The following POC1B variants were observed in gnomAD, a reference collection of about 807,000 sequenced individuals.
POC1B encodes POC1 centriolar protein homolog B.
POC1B carries 44 observed loss-of-function variants against 60.6 expected under a neutral mutation model. The ratio of observed to expected loss-of-function variants is 0.73; its 90% CI spans 0.57 to 0.93. The LOEUF (loss-of-function observed/expected upper bound fraction) is 0.93. POC1B is among the 40% of genes least tolerant of loss of function. The pLI, the probability that POC1B is intolerant of heterozygous loss-of-function variation, is 0.00. For missense variants in POC1B, 555 were observed against 572.3 expected (o/e 0.97, Z 0.31); for synonymous variants, 180 against 198.9 (o/e 0.90, Z 0.80).
chr12:89,421,270 G>T lies in POC1B; in HGVS notation c.1333-13C>A. On this transcript the variant is annotated splice_polypyrimidine_tract_variant and intron_variant, in intron 11 of 11. Transcript: ENST00000313546. ...AGATTGAAACAGTCTGCAAAAAGGA[G>T]GATAAAATAATCAATGCCTGGTCCT... 8 of 1,569,230 alleles carry T rather than the reference G, an allele frequency of 5.1e-6. No individual in the cohort carries two copies. The highest frequency in any genetic ancestry group is 7.0e-6 in the Non-Finnish European group (8 of 1,145,654).
chr12:89,523,019 T>A (rs1871027987), intron 2 of POC1B: 1 of 1,613,848 alleles, frequency 6.2e-7, no homozygotes, highest in African/African-American at 1.3e-5. Context: ...CCCACATAAT[T>A]TTTTTGCTCA....
intron 4 of POC1B, among the ~76,000 whole-genome samples, chr12:89,479,818 T>C (rs1883251306): frequency 6.6e-6 from 1 of 152,238 alleles, no homozygotes; most frequent in Non-Finnish European, 1.5e-5. Flanking sequence ...TTAAGTACAC[T>C]ATCCATGCAC....
Position 89,525,949 on chromosome 12 carries a change from G to GGGGAGAGGATGGGGA in POC1B, c.-69_-55dup. On this transcript the variant is annotated 5_prime_UTR_variant, in exon 1 of 12. Coordinates refer to ENST00000313546, the MANE Select transcript of POC1B (RefSeq NM_172240.3). ...TGGGTGGGGGAACCCGGAGAGGGGA[G>GGGGAGAGGATGGGGA]GGGAGAGGATGGGGAAGGAGAGGGG... is the stretch of plus-strand genomic sequence containing the variant. 6.5e-7 allele frequency: 1 copy of GGGGAGAGGATGGGGA among 1,541,136 alleles called. No individual in the cohort carries two copies. Among genetic ancestry groups the GGGGAGAGGATGGGGA allele is most frequent in the Non-Finnish European group, 8.8e-7 (1 of 1,141,972 alleles).
At chr12:89,477,177 A>G (rs950352551) in intron 4 of POC1B, among the ~76,000 whole-genome samples, 6 of 152,168 alleles carry the variant, frequency 3.9e-5, no homozygotes, top group African/African-American at 1.4e-4. Context: ...GTTTGCGCTG[A>G]TAGAATTTGA....
At chr12:89,523,757 C>A in intron 2 of POC1B, 1 of 1,541,072 alleles carries the variant, frequency 6.5e-7, no homozygotes, top group Non-Finnish European at 8.7e-7. Flanking sequence ...ATATAGAATT[C>A]AAAAGTATTC....
intron 10 of POC1B, among the ~76,000 whole-genome samples, chr12:89,442,544 C>T (rs1286746659): frequency 6.6e-6 from 1 of 152,162 alleles, no homozygotes; most frequent in Non-Finnish European, 1.5e-5. Flanking sequence ...CCTTTACAGA[C>T]AAGCAATGCT....
At chr12:89,464,879 T>C (rs1314190338) in intron 9 of POC1B, among the ~76,000 whole-genome samples, 1 of 151,990 alleles carries the variant, frequency 6.6e-6, no homozygotes, top group Non-Finnish European at 1.5e-5. Flanking sequence ...TGGCATTTTA[T>C]ATCACAGGGC....
chr12:89,414,936 G>C (rs1194593024), downstream of POC1B, among the ~76,000 whole-genome samples: 1 of 152,188 alleles, frequency 6.6e-6, no homozygotes, highest in Admixed American at 6.5e-5. Context: ...GCAGTAAGCA[G>C]ATAATACCTG....
At chr12:89,448,892 C>A in intron 10 of POC1B, among the ~76,000 whole-genome samples, 1 of 152,198 alleles carries the variant, frequency 6.6e-6, no homozygotes, top group East Asian at 1.9e-4. Context: ...CCCAAAGTAG[C>A]CTTCACAACC....
downstream of POC1B, among the ~76,000 whole-genome samples, chr12:89,415,750 GTTA>G (rs1880353284): frequency 6.6e-6 from 1 of 152,136 alleles, no homozygotes; most frequent in African/African-American, 2.4e-5. Flanking sequence ...TGCAGTTCAC[GTTA>G]TTATTTTCAC....
At chr12:89,522,910 C>T (rs1871010555) in intron 2 of POC1B, 1 of 1,614,046 alleles carries the variant, frequency 6.2e-7, no homozygotes, top group African/African-American at 1.3e-5. Context: ...AGCACTAAGA[C>T]ACAGTCCTGA....
intron 2 of POC1B, among the ~76,000 whole-genome samples, chr12:89,505,222 T>A (rs1869837168): frequency 3.9e-5 from 6 of 152,244 alleles, no homozygotes; most frequent in Admixed American, 3.9e-4. Context: ...ACTGGAATGT[T>A]CATATACTAC....
chr12:89,456,361 G>GT (rs748447947), intron 10 of POC1B, among the ~76,000 whole-genome samples: 6 of 152,074 alleles, frequency 3.9e-5, no homozygotes, highest in Non-Finnish European at 7.4e-5. Context: ...AAACAAATTC[G>GT]TATCTTGTTT....
chr12:89,504,754 T>C (rs1869817628), intron 2 of POC1B, among the ~76,000 whole-genome samples: 1 of 152,188 alleles, frequency 6.6e-6, no homozygotes, highest in Non-Finnish European at 1.5e-5. Context: ...AAAGAAGATA[T>C]TTACAACACA....
At chr12:89,519,584 T>C (rs1404891161) in intron 2 of POC1B, 1 of 152,556 alleles carries the variant, frequency 6.6e-6, no homozygotes, top group Non-Finnish European at 1.5e-5. Flanking sequence ...AAACAGGAAT[T>C]CAAAAGGACA....
At chr12:89,455,498 C>T (rs1882217569) in intron 10 of POC1B, among the ~76,000 whole-genome samples, 2 of 152,200 alleles carry the variant, frequency 1.3e-5, no homozygotes, top group Admixed American at 1.3e-4. Context: ...CTGAAACCAA[C>T]ACTGATTTCT....
chr12:89,507,827 T>A (rs1869978192), intron 2 of POC1B, among the ~76,000 whole-genome samples: 1 of 152,260 alleles, frequency 6.6e-6, no homozygotes, highest in East Asian at 1.9e-4. Context: ...CAACTCAAGC[T>A]TTCTCACTCA....
chr12:89,492,684 T>G (rs1869045518), intron 3 of POC1B, among the ~76,000 whole-genome samples: 1 of 152,202 alleles, frequency 6.6e-6, no homozygotes, highest in Non-Finnish European at 1.5e-5. Flanking sequence ...CCTCATCCTG[T>G]ATTTTGCTAC....
chr12:89,415,344 T>C (rs1225071234), downstream of POC1B, among the ~76,000 whole-genome samples: 1 of 152,190 alleles, frequency 6.6e-6, no homozygotes, highest in Non-Finnish European at 1.5e-5. Context: ...AACAAAATGA[T>C]TTATTAATAA....
Sources: gnomAD v4.1 joint callset for allele counts (sites outside exome capture counted in the v4.1 genomes callset) on GRCh38, gnomAD v4.1.1 for gene constraint, MANE v1.5 for transcripts, NCBI Gene and HGNC (gene_info 2026-07-23, HGNC 2026-07-21) for gene names.